Variants in SNX7 observed in about 807,000 individuals in gnomAD.
SNX7 encodes the protein sorting nexin-7.
SNX7 carries 35 observed loss-of-function variants against 48.4 expected under a neutral mutation model. The observed-to-expected ratio is 0.72, with a 90% CI of 0.55 to 0.96. The LOEUF (loss-of-function observed/expected upper bound fraction) is 0.96, where lower values mean the gene tolerates loss of function less well. Among genes scored for constraint, SNX7 ranks in the 40% least tolerant of loss-of-function variants. SNX7 has a pLI of 0.00. For synonymous variants in SNX7, 190 were observed against 190.2 expected, an observed-to-expected ratio of 1.00 and a Z score of 0.01; for missense variants, 553 against 548.9, an observed-to-expected ratio of 1.01 and a Z score of -0.07.
intron 1 of SNX7, among the ~76,000 whole-genome samples, chr1:98,666,065 G>A (rs1270530574): frequency 2.0e-5 from 3 of 152,130 alleles, no homozygotes; most frequent in Admixed American, 6.5e-5. Context: ...AGATTAGGAA[G>A]TCCTGCTTAC....
At chr1:98,684,622 T>C (rs1427666757) in intron 1 of SNX7, among the ~76,000 whole-genome samples, 1 of 152,104 alleles carries the variant, frequency 6.6e-6, no homozygotes, top group African/African-American at 2.4e-5. Context: ...CAACATGACA[T>C]TTGGAGGGAA....
intron 8 of SNX7, among the ~76,000 whole-genome samples, chr1:98,755,320 G>A (rs58879312): frequency 2.6e-5 from 4 of 152,116 alleles, no homozygotes; most frequent in Admixed American, 1.3e-4. Flanking sequence ...GATTGATAGT[G>A]TGGTTCAGAT....
chr1:98,691,906 C>CATAT (rs140633696), intron 4 of SNX7, among the ~76,000 whole-genome samples: 34,006 of 111,612 alleles, frequency 0.3, 5,030 homozygotes, highest in East Asian at 0.43. Context: ...GTATCTTCTC[C>CATAT]ATATATATAC....
chr1:98,666,127 C>T (rs1490240504), intron 1 of SNX7, among the ~76,000 whole-genome samples: 1 of 152,080 alleles, frequency 6.6e-6, no homozygotes, highest in East Asian at 1.9e-4. Flanking sequence ...TGTTGTGTGC[C>T]TATATCAGTC....
intron 8 of SNX7, among the ~76,000 whole-genome samples, chr1:98,758,342 T>C (rs1296455743): frequency 6.6e-6 from 1 of 152,182 alleles, no homozygotes; most frequent in East Asian, 1.9e-4. Flanking sequence ...CCATTCTTAC[T>C]AGTTGGCTCC....
intron 5 of SNX7, among the ~76,000 whole-genome samples, chr1:98,698,317 G>GAATAT (rs756418892): frequency 6.6e-6 from 1 of 152,122 alleles, no homozygotes; most frequent in Non-Finnish European, 1.5e-5. Flanking sequence ...CCACTAAGTA[G>GAATAT]AATATATAGT....
chr1:98,661,539 C>T (rs1449912491), upstream of SNX7, among the ~76,000 whole-genome samples: 1 of 152,182 alleles, frequency 6.6e-6, no homozygotes, highest in African/African-American at 2.4e-5. Context: ...GCCCCTCCAG[C>T]CCGCCCCAGG....
In SNX7 at chr1:98,685,043, C is replaced by G. The variant is rs1481725399; in HGVS notation, c.339C>G (p.Phe113Leu). 1.3e-6 allele frequency: 2 copies of G among 1,561,308 alleles called. No homozygotes were observed. ...PESHVTTIET[F>L]ITYRIITKTS... The stretch of plus-strand genomic sequence containing the variant: ...GTCATGTTACTACAATAGAAACTTT[C>G]ATTACGTATAGGATTATTACTAAGG... The change falls in exon 2 of 9, where the codon TTC becomes TTG. Residue 113 changes from phenylalanine to leucine, a missense_variant. Transcript: ENST00000306121.
intron 7 of SNX7, among the ~76,000 whole-genome samples, chr1:98,729,847 C>G (rs1653403881): frequency 6.6e-6 from 1 of 152,136 alleles, no homozygotes; most frequent in Admixed American, 6.6e-5. Flanking sequence ...GAGGCTGTTA[C>G]CATTTTTACT....
chr1:98,753,343 T>G (rs1654680981), intron 8 of SNX7, among the ~76,000 whole-genome samples: 1 of 152,096 alleles, frequency 6.6e-6, no homozygotes, highest in South Asian at 2.1e-4. Context: ...TCCCTTTTAG[T>G]ACTTAATTTA....
intron 8 of SNX7, among the ~76,000 whole-genome samples, chr1:98,753,665 A>G (rs576503048): frequency 6.6e-6 from 1 of 152,234 alleles, no homozygotes; most frequent in South Asian, 2.1e-4. Flanking sequence ...CTGTAGGGGT[A>G]CCAGATACAA....
chr1:98,735,128 C>G (rs1364733206), intron 7 of SNX7, among the ~76,000 whole-genome samples: 1 of 152,084 alleles, frequency 6.6e-6, no homozygotes, highest in East Asian at 1.9e-4. Context: ...TATATTTGTT[C>G]TTTTAGAACT....
intron 1 of SNX7, among the ~76,000 whole-genome samples, chr1:98,672,003 G>A (rs1022264991): frequency 6.6e-6 from 1 of 152,080 alleles, no homozygotes; most frequent in African/African-American, 2.4e-5. Context: ...GCAAATTCTT[G>A]TTATATGAAT....
intron 7 of SNX7, among the ~76,000 whole-genome samples, chr1:98,732,507 A>T (rs1050239164): frequency 2.0e-5 from 3 of 152,138 alleles, no homozygotes; most frequent in Admixed American, 6.6e-5. Context: ...TAGAGTAGCG[A>T]CCTGTGGAGA....
At chr1:98,697,170 A>G (rs958986724) in intron 5 of SNX7, among the ~76,000 whole-genome samples, 2 of 152,030 alleles carry the variant, frequency 1.3e-5, no homozygotes, top group Admixed American at 6.6e-5. Context: ...TCCAGAAATT[A>G]GTTCAGTATG....
At position 98,661,751 on chromosome 1, in the gene SNX7, C is replaced by G. The variant is rs1649229165; in HGVS notation, c.20C>G (p.Ala7Gly). MEGERR[A>G]SQAPSSGLPA... ...CTCGGGATGGAGGGCGAGCGCCGGGCATCGCAGGCGCCCTCCTCGGGCCTC... is the reference window on the plus strand; with the variant it reads ...CTCGGGATGGAGGGCGAGCGCCGGGGATCGCAGGCGCCCTCCTCGGGCCTC... The change falls in exon 1 of 9, where the codon GCA becomes GGA. Residue 7 changes from alanine to glycine, a missense_variant. Coordinates refer to ENST00000306121, the MANE Select transcript of SNX7 (RefSeq NM_015976.5). 8.1e-7 allele frequency: 1 copy of G among 1,235,798 alleles called. No individual in the cohort carries two copies. Among genetic ancestry groups the G allele is most frequent in the South Asian group, 4.1e-5 (1 of 24,288 alleles). 76.6% of individuals were successfully genotyped at this position (1,235,798 alleles called of 1,614,324 possible).
chr1:98,745,674 A>G (rs1007138810), intron 8 of SNX7, among the ~76,000 whole-genome samples: 1 of 152,088 alleles, frequency 6.6e-6, no homozygotes, highest in Non-Finnish European at 1.5e-5. Flanking sequence ...CCATTTTTAT[A>G]CCAGTTAACT....
intron 7 of SNX7, among the ~76,000 whole-genome samples, chr1:98,713,393 C>T (rs942126401): frequency 6.6e-6 from 1 of 152,058 alleles, no homozygotes; most frequent in African/African-American, 2.4e-5. Context: ...AATGTTATGG[C>T]TGGTTTGATC....
intron 7 of SNX7, among the ~76,000 whole-genome samples, chr1:98,735,737 A>G (rs916603850): frequency 2.0e-5 from 3 of 152,148 alleles, no homozygotes; most frequent in Non-Finnish European, 4.4e-5. Flanking sequence ...AAGAATCCCT[A>G]TGAAATGTAT....
Sources: gnomAD v4.1 joint callset for allele counts (sites outside exome capture counted in the v4.1 genomes callset) on GRCh38, gnomAD v4.1.1 for gene constraint, MANE v1.5 for transcripts, NCBI Gene and HGNC (gene_info 2026-07-23, HGNC 2026-07-21) for gene names.